Variants in MYO18B observed in about 807,000 individuals in gnomAD.
MYO18B encodes the protein unconventional myosin-XVIIIb.
Under a neutral mutation model 273.0 loss-of-function variants are expected in MYO18B, and 204 were observed. The ratio of observed to expected loss-of-function variants is 0.75; its 90% CI spans 0.67 to 0.84. The LOEUF (loss-of-function observed/expected upper bound fraction) is 0.84, where lower values mean the gene tolerates loss of function less well. Among genes scored for constraint, MYO18B ranks in the 40% least tolerant of loss-of-function variants. The pLI is 0.00. For synonymous variants in MYO18B, 1,330 were observed against 1,305.7 expected (o/e 1.02, Z -0.40); for missense variants, 3,212 against 3,287.6 (o/e 0.98, Z 0.56).
chr22:25,997,978 C>CACACACACACACACGAGA (rs34431605), intron 40 of MYO18B, among the ~76,000 whole-genome samples: 1 of 144,550 alleles, frequency 6.9e-6, no homozygotes, highest in African/African-American at 2.6e-5. Context: ...CACACACACA[C>CACACACACACACACGAGA]GAGAGAGAGA....
At chr22:26,019,128 A>C (rs1051705997) in intron 42 of MYO18B, among the ~76,000 whole-genome samples, 1 of 152,016 alleles carries the variant, frequency 6.6e-6, no homozygotes, top group Non-Finnish European at 1.5e-5. Context: ...TGCTCTCCCC[A>C]GGAGGGGAGG....
chr22:25,967,647 A>C lies in MYO18B; in HGVS notation c.6156+12283A>C, dbSNP rs540332302. Among the ~76,000 whole-genome samples, 12 of 152,332 alleles carry C rather than the reference A, an allele frequency of 7.9e-5. No individual in the cohort carries two copies. The East Asian group carries it at 1.3e-3, about 17-fold the overall frequency. ...GTATTTAGTGGGGAAAGATGAATAT[A>C]ACTTGTCTAGGTTATGGCTCTTTTA... On this transcript the variant is annotated intron_variant, in intron 39 of 43. Transcript: ENST00000335473.
intron 39 of MYO18B, among the ~76,000 whole-genome samples, chr22:25,985,220 G>T (rs1042835330): frequency 6.6e-6 from 1 of 152,104 alleles, no homozygotes; most frequent in South Asian, 2.1e-4. Context: ...AATTAGCCAG[G>T]CATAATGGCA....
chr22:25,984,502 G>A (rs1352787438), intron 39 of MYO18B, among the ~76,000 whole-genome samples: 1 of 152,136 alleles, frequency 6.6e-6, no homozygotes, highest in Non-Finnish European at 1.5e-5. Context: ...TTAAAAATGT[G>A]GCAGAGGCTG....
the MYO18B span, among the ~76,000 whole-genome samples, chr22:26,047,065 C>CA: frequency 2.0e-5 from 3 of 151,748 alleles, no homozygotes; most frequent in African/African-American, 7.3e-5. Flanking sequence ...TACAGAACTC[C>CA]AAAGGCCAAG....
rs1403775579 is a variant in MYO18B, at chr22:25,821,494, T to C, written c.2522-2011T>C. The stretch of plus-strand genomic sequence containing the variant: ...ATTATTTGTTTTAAGAAGTCATTTA[T>C]TGGCCGGGAGTGGGGGCTCACGCCT... On this transcript the variant is annotated intron_variant, in intron 12 of 43. Transcript: ENST00000335473. 5.9e-5 allele frequency among the ~76,000 whole-genome samples: 9 copies of C among 152,206 alleles called. No individual in the cohort carries two copies. In the South Asian group the frequency reaches 1.7e-3, roughly 28 times the overall value.
intron 20 of MYO18B, among the ~76,000 whole-genome samples, chr22:25,850,287 G>A (rs2090386638): frequency 6.6e-6 from 1 of 152,162 alleles, no homozygotes; most frequent in African/African-American, 2.4e-5. Flanking sequence ...TGTACCCAGG[G>A]AAGAGTCTAA....
chr22:26,000,581 C>CTTTTT (rs59924200), intron 40 of MYO18B, among the ~76,000 whole-genome samples: 9 of 144,230 alleles, frequency 6.2e-5, no homozygotes, highest in African/African-American at 1.5e-4. Flanking sequence ...GCCTGAAAGC[C>CTTTTT]TTTTTTTTTT....
chr22:25,850,027 A>G (rs2090377002), intron 20 of MYO18B, among the ~76,000 whole-genome samples: 1 of 152,180 alleles, frequency 6.6e-6, no homozygotes, highest in South Asian at 2.1e-4. Flanking sequence ...GAATGCAGAT[A>G]GGTGTGCCCT....
At chr22:25,781,901 C>T (rs1010577838) in intron 10 of MYO18B, 67 bp downstream of exon 10, 1 of 1,140,978 alleles carries the variant, frequency 8.8e-7, no homozygotes, top group East Asian at 3.0e-5. Flanking sequence ...TCTTTGGGGG[C>T]CCAGCCTTAG....
At chr22:26,012,285 G>A (rs967016345) in intron 42 of MYO18B, among the ~76,000 whole-genome samples, 1 of 152,136 alleles carries the variant, frequency 6.6e-6, no homozygotes, top group Non-Finnish European at 1.5e-5. Flanking sequence ...AAAACAGCTC[G>A]TTCCCAAAGT....
chr22:25,908,297 C>A (rs1002831698), intron 31 of MYO18B, 25 bp from the exon 32 acceptor site: 9 of 1,548,908 alleles, frequency 5.8e-6, no homozygotes, highest in Non-Finnish European at 7.9e-6. Context: ...GTCACCCTCA[C>A]GTGCTGTCCT....
intron 39 of MYO18B, among the ~76,000 whole-genome samples, chr22:25,991,029 A>G (rs1461610148): frequency 8.5e-6 from 1 of 117,192 alleles, no homozygotes; most frequent in Non-Finnish European, 1.8e-5. Context: ...GCTCGGATCT[A>G]TTCCGTTTGC....
chr22:25,880,390 C>G (rs912313034), intron 25 of MYO18B, among the ~76,000 whole-genome samples: 1 of 151,938 alleles, frequency 6.6e-6, no homozygotes, highest in African/African-American at 2.4e-5. Flanking sequence ...TTTTCTTTAT[C>G]GTGGATTTTT....
rs561356283 is a variant in MYO18B at position 26,026,458 on chromosome 22, G to A, written c.6484G>A (p.Ala2162Thr). ...RILSPRINEEAGDTERTQSAL... is the reference protein window; with the variant it reads ...RILSPRINEETGDTERTQSAL... The stretch of plus-strand genomic sequence containing the variant: ...TTCTTGGCACAGGATAAACGAAGAG[G>A]CTGGGGACACTGAGAGGACCCAGTC... Residue 2162 changes from alanine to threonine, a missense_variant, in exon 43 of 44, where the codon GCT becomes ACT. Coordinates refer to ENST00000335473, the MANE Select transcript of MYO18B (RefSeq NM_032608.7). 3.1e-6 allele frequency: 5 copies of A among 1,612,256 alleles called. No homozygotes were observed. The African/African-American group carries it at 6.7e-5, about 22-fold the overall frequency.
intron 28 of MYO18B, chr22:25,897,394 T>C (rs1253310835): frequency 6.6e-6 from 1 of 152,222 alleles, no homozygotes; most frequent in Non-Finnish European, 1.5e-5. Flanking sequence ...ATGATTTTAG[T>C]GGTCGCTTTC....
At chr22:26,037,318 G>A in the MYO18B span, among the ~76,000 whole-genome samples, 1 of 152,152 alleles carries the variant, frequency 6.6e-6, no homozygotes, top group Non-Finnish European at 1.5e-5. Context: ...TATCTTTAGA[G>A]CCTGTCTGGC....
intron 33 of MYO18B, among the ~76,000 whole-genome samples, chr22:25,913,506 G>A (rs917381390): frequency 6.6e-5 from 10 of 152,196 alleles, no homozygotes; most frequent in Admixed American, 5.9e-4. Context: ...TGGGACTACA[G>A]GCGCCCGCCA....
intron 40 of MYO18B, among the ~76,000 whole-genome samples, chr22:25,996,036 G>A (rs996948102): frequency 5.3e-5 from 8 of 152,214 alleles, no homozygotes; most frequent in Non-Finnish European, 1.2e-4. Flanking sequence ...CATGCAATGT[G>A]CAGGATTATT....
Sources: allele counts gnomAD v4.1 joint callset (sites outside exome capture counted in the v4.1 genomes callset), GRCh38; gene constraint gnomAD v4.1.1; transcripts MANE v1.5; gene names NCBI Gene and HGNC (gene_info 2026-07-23, HGNC 2026-07-21).